Variants in MAPK9 observed in about 807,000 individuals in gnomAD.
MAPK9 encodes the protein mitogen-activated protein kinase 9.
A neutral mutation model predicts 57.1 loss-of-function variants in MAPK9; 30 were observed. That is an observed-to-expected ratio of 0.53 (90% CI 0.39 to 0.71). The LOEUF (loss-of-function observed/expected upper bound fraction) is 0.71. Among genes scored for constraint, MAPK9 ranks in the 30% least tolerant of loss-of-function variants. The probability of loss-of-function intolerance (pLI) is 0.00; values close to 1 mark genes in which losing one functional copy is unlikely to be tolerated. For synonymous variants in MAPK9, 155 were observed against 177.0 expected (o/e 0.88, Z 0.99); for missense variants, 362 against 521.0 (o/e 0.69, Z 2.97).
chr5:180,281,169 C>A (rs757376187), intron 1 of MAPK9, among the ~76,000 whole-genome samples: 4 of 152,248 alleles, frequency 2.6e-5, no homozygotes, highest in South Asian at 4.1e-4. Flanking sequence ...TGCCCAAGCA[C>A]GTGCTCCTGC....
At position 180,234,510 on chromosome 5, in the gene MAPK9, T is replaced by G. The variant is rs1167415799; in HGVS notation, c.*1874A>C. 6.6e-6 allele frequency: 1 copy of G among 152,118 alleles called. No homozygotes were observed. Among genetic ancestry groups the G allele is most frequent in the Non-Finnish European group, 1.5e-5 (1 of 68,036 alleles). The allele number at this position is 152,118 out of a possible 1,614,324, so 9.4% of individuals were successfully genotyped here. Reference sequence around the variant, plus strand: ...CAGAAGGGCGTCTGCGGGTGCCTCGTCCCCCGTCCACGTCTCCCGGGGAGG... The same window carrying G: ...CAGAAGGGCGTCTGCGGGTGCCTCGGCCCCCGTCCACGTCTCCCGGGGAGG... On this transcript the variant is annotated 3_prime_UTR_variant, in exon 12 of 12. Transcript: ENST00000452135.
At chr5:180,271,048 T>G (rs1206927724) in intron 2 of MAPK9, among the ~76,000 whole-genome samples, 1 of 152,126 alleles carries the variant, frequency 6.6e-6, no homozygotes, top group Non-Finnish European at 1.5e-5. Context: ...AGAGTAGATT[T>G]GTTCTCATCA....
At chr5:180,255,994 G>A (rs888131924) in intron 5 of MAPK9, among the ~76,000 whole-genome samples, 2 of 152,106 alleles carry the variant, frequency 1.3e-5, no homozygotes, top group Non-Finnish European at 2.9e-5. Flanking sequence ...AAGTTGCTAC[G>A]CAGTTATATG....
chr5:180,236,221 C>T lies in MAPK9; in HGVS notation c.*163G>A, dbSNP rs937270330. 5 of 660,444 alleles carry T rather than the reference C, an allele frequency of 7.6e-6. No homozygotes were observed. The highest frequency in any genetic ancestry group is 1.1e-5 in the Non-Finnish European group (5 of 449,878). The allele number at this position is 660,444 out of a possible 1,614,324, so 40.9% of individuals were successfully genotyped here. A position where few individuals can be genotyped will look rare whatever the true frequency, so the allele number is the denominator to read the frequency against. On this transcript the variant is annotated 3_prime_UTR_variant, in exon 12 of 12. Transcript: ENST00000452135. ...TCAGACATATTCTGCCTCATTTTAT[C>T]ATCTAAGCAGGCAATCCTATCAGGT...
At chr5:180,249,234 A>G (rs767879599) in intron 5 of MAPK9, 96 bp from the exon 6 acceptor site, 19 of 1,165,662 alleles carry the variant, frequency 1.6e-5, no homozygotes, top group Non-Finnish European at 2.2e-5. Context: ...GTGAGAGTGT[A>G]GGGAGTGAAC....
At chr5:180,267,387 CCT>C (rs1293127653) in intron 3 of MAPK9, among the ~76,000 whole-genome samples, 2 of 151,344 alleles carry the variant, frequency 1.3e-5, no homozygotes, top group East Asian at 2.0e-4. Context: ...TGGTGAAACC[CCT>C]GTCTCTACTA....
At chr5:180,245,955 G>A (rs1441269260) in intron 7 of MAPK9, 1 of 152,196 alleles carries the variant, frequency 6.6e-6, no homozygotes, top group East Asian at 1.9e-4. Flanking sequence ...GTTAAACTCT[G>A]TGTGGCTTTT....
chr5:180,287,413 T>C (rs559431845), intron 1 of MAPK9, among the ~76,000 whole-genome samples: 1 of 152,278 alleles, frequency 6.6e-6, no homozygotes, highest in East Asian at 1.9e-4. Context: ...TTTCAAAATA[T>C]GGAAAGAAAA....
At chr5:180,279,809 G>A (rs961923102) in intron 2 of MAPK9, 9 of 456,288 alleles carry the variant, frequency 2.0e-5, no homozygotes, top group Middle Eastern at 3.3e-4. Flanking sequence ...GAGCTGGCCC[G>A]TGATGCTGCG....
rs1228399116 is a variant in MAPK9, at chr5:180,267,534, G to C, written c.252+1746C>G. Among the ~76,000 whole-genome samples the C allele has an allele frequency of 8.3e-3, 1,201 of 144,504 alleles. 7 individuals are homozygous for C. Among genetic ancestry groups the C allele is most frequent in the Non-Finnish European group, 0.014 (923 of 66,474 alleles). 94.8% of individuals were successfully genotyped at this position (144,504 alleles called of 152,430 possible). ...CTGAGATCGCGCCACTGCCCTCCAG[G>C]TTGGGCGACAGAGCGAGACTCCGTC... On this transcript the variant is annotated intron_variant, in intron 3 of 11. Coordinates refer to ENST00000452135, the MANE Select transcript of MAPK9 (RefSeq NM_002752.5).
chr5:180,280,712 A>G (rs1762249505), intron 1 of MAPK9, 104 bp from the exon 2 acceptor site: 1 of 860,756 alleles, frequency 1.2e-6, no homozygotes, highest in East Asian at 3.0e-5. Context: ...TGTGGCTGTA[A>G]GTTGATAAAG....
intron 3 of MAPK9, among the ~76,000 whole-genome samples, chr5:180,265,567 G>A (rs369461643): frequency 2.6e-5 from 4 of 152,100 alleles, no homozygotes; most frequent in African/African-American, 7.2e-5. Context: ...TTCGTCTTCC[G>A]CCATGATTGC....
At chr5:180,241,841 G>A (rs1757693016) in intron 8 of MAPK9, among the ~76,000 whole-genome samples, 1 of 152,228 alleles carries the variant, frequency 6.6e-6, no homozygotes, top group South Asian at 2.1e-4. Context: ...TGGGCATGAG[G>A]CACGGGGGAG....
intron 8 of MAPK9, among the ~76,000 whole-genome samples, chr5:180,241,630 T>C (rs1429083832): frequency 2.0e-5 from 3 of 152,220 alleles, no homozygotes; most frequent in African/African-American, 7.2e-5. Context: ...AAAAGTCAAA[T>C]GTCCACTTTC....
chr5:180,282,757 T>TTGCA (rs1244704994), intron 1 of MAPK9, among the ~76,000 whole-genome samples: 3 of 152,194 alleles, frequency 2.0e-5, no homozygotes, highest in Non-Finnish European at 2.9e-5. Context: ...ACACAGTTAC[T>TTGCA]TGCAAGCATG....
intron 2 of MAPK9, among the ~76,000 whole-genome samples, chr5:180,272,253 G>A (rs577045219): frequency 3.9e-4 from 60 of 152,322 alleles, no homozygotes; most frequent in Middle Eastern, 3.4e-3. Context: ...CAGAAAAGGT[G>A]CATGGAAGAT....
In MAPK9 at chr5:180,291,968, GCCCCGCCGCCGC is replaced by G. The variant is rs1763309327; in HGVS notation, c.-180_-169del. 1 of 104,834 alleles carries G rather than the reference GCCCCGCCGCCGC, an allele frequency of 9.5e-6. No homozygotes were observed. The highest frequency in any genetic ancestry group is 1.8e-5 in the Non-Finnish European group (1 of 55,832). The allele number at this position is 104,834 out of a possible 1,614,324, so 6.5% of individuals were successfully genotyped here. ...CCGCCGGCCCGCCCCGCTCCGCTCC[GCCCCGCCGCCGC>G]CGCCGCCGCCGCCGCCGCAGTGGGT... is the stretch of plus-strand genomic sequence containing the variant. On this transcript the variant is annotated 5_prime_UTR_variant, in exon 1 of 12. Transcript: ENST00000452135.
intron 1 of MAPK9, among the ~76,000 whole-genome samples, chr5:180,288,643 G>GA (rs1179325984): frequency 2.6e-5 from 4 of 152,160 alleles, no homozygotes; most frequent in Admixed American, 1.3e-4. Flanking sequence ...CTGGGAGTCT[G>GA]ACTCAAAGTC....
intron 3 of MAPK9, among the ~76,000 whole-genome samples, chr5:180,265,249 G>A (rs1760407198): frequency 6.6e-6 from 1 of 152,208 alleles, no homozygotes; most frequent in Non-Finnish European, 1.5e-5. Flanking sequence ...AGGCCTCGTA[G>A]CATCATATTT....
Sources: allele counts gnomAD v4.1 joint callset (sites outside exome capture counted in the v4.1 genomes callset), GRCh38; gene constraint gnomAD v4.1.1; transcripts MANE v1.5; gene names NCBI Gene and HGNC (gene_info 2026-07-23, HGNC 2026-07-21).